Variants in POLK observed in about 807,000 individuals in gnomAD.
POLK encodes DNA polymerase kappa, also known as polymerase (DNA directed) kappa.
A neutral mutation model predicts 94.0 loss-of-function variants in POLK; 76 were observed. That is an observed-to-expected ratio of 0.81 (90% CI 0.67 to 0.98). The LOEUF (loss-of-function observed/expected upper bound fraction) is 0.98, where lower values mean the gene tolerates loss of function less well. Ranked by LOEUF, POLK falls within the 50% of genes least tolerant of loss-of-function variation. The pLI is 0.00. For missense variants in POLK, 954 were observed against 1,010.1 expected (o/e 0.94, Z 0.75); for synonymous variants, 349 against 325.4 (o/e 1.07, Z -0.78).
At chr5:75,558,435 T>A (rs1770758881) in intron 3 of POLK, among the ~76,000 whole-genome samples, 2 of 152,160 alleles carry the variant, frequency 1.3e-5, no homozygotes, top group Non-Finnish European at 2.9e-5. Flanking sequence ...CCCTAAGTGG[T>A]GATTCACTTG....
At chr5:75,607,931 C>T in the POLK span, among the ~76,000 whole-genome samples, 195 of 152,178 alleles carry the variant, frequency 1.3e-3, 2 homozygotes, top group East Asian at 6.0e-3. Flanking sequence ...AGGGAGAAAT[C>T]GTCTGGTAGA....
At chr5:75,596,649 C>T (rs1773104288) in exon 13 of POLK, 4 of 1,613,890 alleles carry the variant, frequency 2.5e-6, no homozygotes, top group South Asian at 1.1e-5. Context: ...GACCTTCAAT[C>T]AGTGAAAACT....
chr5:75,511,212 G>A (rs551811011), upstream of POLK: 2 of 1,612,716 alleles, frequency 1.2e-6, no homozygotes, highest in East Asian at 2.2e-5. Context: ...CGACATGGAG[G>A]CTCGACAACC....
chr5:75,572,274 A>G (rs1771636476), intron 4 of POLK, among the ~76,000 whole-genome samples: 1 of 152,182 alleles, frequency 6.6e-6, no homozygotes, highest in South Asian at 2.1e-4. Flanking sequence ...CCTAGTCAAA[A>G]TGTTTTCAGC....
chr5:75,609,692 T>G, the POLK span: 1 of 152,226 alleles, frequency 6.6e-6, no homozygotes, highest in African/African-American at 2.4e-5. Flanking sequence ...TCAACTTACC[T>G]GCTATTGTTT....
At chr5:75,559,523 G>GTTTTTTTTTTTTTTTTTTTTT (rs775525619) in intron 3 of POLK, among the ~76,000 whole-genome samples, 11 of 54,676 alleles carry the variant, frequency 2.0e-4, no homozygotes, top group African/African-American at 2.9e-4. Flanking sequence ...GTTTTGTTTT[G>GTTTTTTTTTTTTTTTTTTTTT]TTTTTTTTTT....
At chr5:75,511,385 C>A, upstream of POLK, 1 of 1,546,670 alleles carries the variant, frequency 6.5e-7, no homozygotes. Flanking sequence ...GCGCCTGACA[C>A]CGAGCGGAGC....
At chr5:75,511,400 A>C, upstream of POLK, 1 of 1,545,830 alleles carries the variant, frequency 6.5e-7, no homozygotes, top group South Asian at 1.2e-5. Flanking sequence ...CGGAGCGAGG[A>C]AGGAGGACGA....
chr5:75,523,708 G>GT (rs1014912439), intron 1 of POLK, among the ~76,000 whole-genome samples: 6 of 152,112 alleles, frequency 3.9e-5, no homozygotes, highest in African/African-American at 1.4e-4. Context: ...AAAGCCTTGG[G>GT]TTTTTTTGTT....
chr5:75,555,167 T>C (rs1452179600), intron 3 of POLK, among the ~76,000 whole-genome samples: 2 of 152,212 alleles, frequency 1.3e-5, no homozygotes, highest in African/African-American at 4.8e-5. Context: ...CCAAAGTTGA[T>C]AGTTTATATT....
At chr5:75,511,162 G>C, upstream of POLK, 6 of 1,611,788 alleles carry the variant, frequency 3.7e-6, no homozygotes, top group Middle Eastern at 1.7e-4. Flanking sequence ...TCCGTCTCTG[G>C]ATCCTCCTCC....
At chr5:75,596,902 A>G (rs201001392) in exon 13 of POLK, 2 of 1,613,566 alleles carry the variant, frequency 1.2e-6, no homozygotes, top group African/African-American at 2.7e-5. Flanking sequence ...CAAGTCTTTT[A>G]ATATTGAACA....
exon 6 of POLK, chr5:75,576,882 C>T (rs754537232): frequency 1.3e-6 from 2 of 1,563,836 alleles, no homozygotes; most frequent in Non-Finnish European, 1.7e-6. Flanking sequence ...ACAAAATTGG[C>T]CTGAGGATAA....
At position 75,547,400 on chromosome 5, in the gene POLK, C is replaced by CT. The variant is rs149152081; in HGVS notation, c.135+252dup. On this transcript the variant is annotated intron_variant, in intron 2 of 14. Transcript: ENST00000241436. ...AAATAATGTATATGTTCCTGTTCAC[C>CT]TTTTTTTTTAACCCCAGTGGGAGAA... Among the ~76,000 whole-genome samples, 65 of 149,554 alleles carry CT rather than the reference C, an allele frequency of 4.3e-4. 1 individual carries two copies. The highest frequency in any genetic ancestry group is 1.1e-3 in the South Asian group (5 of 4,718).
intron 1 of POLK, among the ~76,000 whole-genome samples, chr5:75,533,707 C>G (rs1769298527): frequency 6.6e-6 from 1 of 152,176 alleles, no homozygotes; most frequent in African/African-American, 2.4e-5. Context: ...AATGTTGATT[C>G]ATTCTATCCA....
chr5:75,563,492 G>C (rs1300821752), intron 3 of POLK, among the ~76,000 whole-genome samples: 1 of 152,028 alleles, frequency 6.6e-6, no homozygotes, highest in Non-Finnish European at 1.5e-5. Flanking sequence ...TGATGTTAGG[G>C]TGTTGATTTT....
At chr5:75,563,320 AT>A (rs1450175671) in intron 3 of POLK, among the ~76,000 whole-genome samples, 1 of 151,850 alleles carries the variant, frequency 6.6e-6, no homozygotes, top group Non-Finnish European at 1.5e-5. Context: ...CAGTCTGCTT[AT>A]TTTGTTAATC....
chr5:75,519,167 A>T (rs1305366085), intron 1 of POLK, among the ~76,000 whole-genome samples: 8 of 152,226 alleles, frequency 5.3e-5, no homozygotes, highest in Admixed American at 5.2e-4. Context: ...AAATTAAATC[A>T]AACAATTAAT....
intron 12 of POLK, among the ~76,000 whole-genome samples, chr5:75,594,339 T>C (rs1342575446): frequency 6.6e-6 from 1 of 152,266 alleles, no homozygotes; most frequent in Non-Finnish European, 1.5e-5. Flanking sequence ...AGCACCTGTA[T>C]TCTCGCCTTC....
Sources: allele counts gnomAD v4.1 joint callset (sites outside exome capture counted in the v4.1 genomes callset), GRCh38; gene constraint gnomAD v4.1.1; transcripts MANE v1.5; gene names NCBI Gene and HGNC (gene_info 2026-07-23, HGNC 2026-07-21).